PLXNA4: variants seen among roughly 807,000 people sequenced by gnomAD.
The protein encoded by PLXNA4 is plexin A4, also known as plexin-A4.
Under a neutral mutation model 191.8 loss-of-function variants are expected in PLXNA4, and 44 were observed. The ratio of observed to expected loss-of-function variants is 0.23; its 90% CI spans 0.18 to 0.29. The LOEUF (loss-of-function observed/expected upper bound fraction) is 0.29, where lower values mean the gene tolerates loss of function less well. Among genes scored for constraint, PLXNA4 ranks in the 10% least tolerant of loss-of-function variants. The pLI is 1.00. For synonymous variants in PLXNA4, 1,082 were observed against 1,009.5 expected (o/e 1.07, Z -1.36); for missense variants, 1,800 against 2,488.8 (o/e 0.72, Z 5.89).
chr7:132,174,318 T>C (rs10277421), intron 21 of PLXNA4, among the ~76,000 whole-genome samples: 107,091 of 152,056 alleles, frequency 0.7, 39,498 homozygotes, highest in African/African-American at 0.92. Flanking sequence ...CTCATTCACA[T>C]TTCCACCCCA....
In PLXNA4 at chr7:132,279,871, G is replaced by A. The variant is rs186434809; in HGVS notation, c.1503+18220C>T. ...GCATGACTTGAGATGGGAGCCGGAC[G>A]CCCAAAGCTGAAGTCAACATATTGC... is the stretch of plus-strand genomic sequence containing the variant. On this transcript the variant is annotated intron_variant, in intron 4 of 31. Transcript: ENST00000321063. Among the ~76,000 whole-genome samples the A allele has an allele frequency of 5.9e-5, 9 of 152,254 alleles. No homozygotes were observed. In the East Asian group the frequency reaches 1.5e-3, roughly 26 times the overall value.
chr7:132,393,448 A>G (rs1475433493), intron 3 of PLXNA4, among the ~76,000 whole-genome samples: 2 of 152,106 alleles, frequency 1.3e-5, no homozygotes, highest in Non-Finnish European at 2.9e-5. Flanking sequence ...AAACAGCCCC[A>G]CATATGAACC....
chr7:132,238,122 A>G (rs1000451889), intron 5 of PLXNA4, among the ~76,000 whole-genome samples: 5 of 152,180 alleles, frequency 3.3e-5, no homozygotes, highest in African/African-American at 1.2e-4. Context: ...CTTATGGAGA[A>G]AATAGCTGTG....
At chr7:132,197,590 T>C (rs1797292591) in intron 13 of PLXNA4, among the ~76,000 whole-genome samples, 1 of 152,172 alleles carries the variant, frequency 6.6e-6, no homozygotes, top group Non-Finnish European at 1.5e-5. Flanking sequence ...GGTAACTAAG[T>C]GGTGATGGAC....
At chr7:132,135,398 G>GTAAT (rs1795082508) in intron 30 of PLXNA4, among the ~76,000 whole-genome samples, 1 of 152,216 alleles carries the variant, frequency 6.6e-6, no homozygotes, top group East Asian at 1.9e-4. Flanking sequence ...AAAGACTCCT[G>GTAAT]TAATTTCTCT....
chr7:132,562,953 CTCT>C (rs150150181), intron 1 of PLXNA4, among the ~76,000 whole-genome samples: 12 of 48,910 alleles, frequency 2.5e-4, no homozygotes, highest in Non-Finnish European at 4.9e-4. Context: ...CCTCCTCCTC[CTCT>C]CCCTCCTCCT....
Position 132,147,536 on chromosome 7 carries a change from A to T in PLXNA4, c.4864+364T>A, listed in dbSNP as rs184284725. Among the ~76,000 whole-genome samples, 372 of 152,240 alleles carry T rather than the reference A, an allele frequency of 2.4e-3. 2 individuals carry two copies. The highest frequency in any genetic ancestry group is 3.9e-3 in the Admixed American group (60 of 15,304). ...AAAATAACAGTGGCTCTTACAAATC[A>T]TTTAGCCTCTGTGCACCTGAGTTAT... is the stretch of plus-strand genomic sequence containing the variant. On this transcript the variant is annotated intron_variant, in intron 27 of 31. Coordinates refer to ENST00000321063, the MANE Select transcript of PLXNA4 (RefSeq NM_020911.2).
intron 2 of PLXNA4, among the ~76,000 whole-genome samples, chr7:132,642,243 C>T (rs903306766): frequency 6.6e-6 from 1 of 152,052 alleles, no homozygotes; most frequent in Non-Finnish European, 1.5e-5. Context: ...CTGGATATGT[C>T]GAAAGCCAAC....
At position 132,133,213 on chromosome 7, in the gene PLXNA4, G is replaced by GAAAT. The variant is rs1795019403; in HGVS notation, c.5439-18_5439-15dup. 6.2e-7 allele frequency: 1 copy of GAAAT among 1,613,248 alleles called. No individual in the cohort carries two copies. Among genetic ancestry groups the GAAAT allele is most frequent in the African/African-American group, 1.3e-5 (1 of 74,912 alleles). ...TCTGAGTAATACCTGTGGAGGGATG[G>GAAAT]AAATAGGGAGAAGCTGAAGTCGTGC... On this transcript the variant is annotated splice_polypyrimidine_tract_variant and intron_variant, in intron 30 of 31. Transcript: ENST00000321063.
chr7:132,124,552 TAAAG>T lies in PLXNA4; in HGVS notation c.*5923_*5926del, dbSNP rs1794718063. On this transcript the variant is annotated 3_prime_UTR_variant, in exon 32 of 32. Transcript: ENST00000321063. ...TAACAAAGGAAGTTCTAATTCCAAA[TAAAG>T]AAATTGCTGGAAGAAGAGCTGCATA... is the stretch of plus-strand genomic sequence containing the variant. 3 of 152,216 alleles carry T rather than the reference TAAAG, an allele frequency of 2.0e-5. No individual in the cohort carries two copies. Among genetic ancestry groups the T allele is most frequent in the African/African-American group, 7.2e-5 (3 of 41,464 alleles). The allele number at this position is 152,216 out of a possible 1,614,324, so 9.4% of individuals were successfully genotyped here. A position where few individuals can be genotyped will look rare whatever the true frequency, so the allele number is the denominator to read the frequency against.
intron 27 of PLXNA4, 28 bp downstream of exon 27, chr7:132,147,872 C>T: frequency 6.2e-7 from 1 of 1,613,586 alleles, no homozygotes; most frequent in Non-Finnish European, 8.5e-7. Flanking sequence ...ACACCCAGGC[C>T]TCCCTAGGAC....
intron 12 of PLXNA4, 60 bp from the exon 13 acceptor site, chr7:132,198,696 T>C (rs1797333283): frequency 6.3e-7 from 1 of 1,593,520 alleles, no homozygotes; most frequent in Non-Finnish European, 8.5e-7. Flanking sequence ...CACTTGCTGA[T>C]GAGGCAAGGA....
chr7:132,643,785 T>TA (rs1015943123), intron 2 of PLXNA4, among the ~76,000 whole-genome samples: 9 of 151,958 alleles, frequency 5.9e-5, no homozygotes, highest in South Asian at 2.1e-4. Flanking sequence ...CCCATCTCTA[T>TA]AAAAAAATTT....
At chr7:132,563,293 CT>C (rs1196125926) in intron 1 of PLXNA4, among the ~76,000 whole-genome samples, 2 of 118,138 alleles carry the variant, frequency 1.7e-5, no homozygotes, top group African/African-American at 6.5e-5. Flanking sequence ...TCTCCTCCTC[CT>C]TTCTCTTCCT....
chr7:132,300,102 CAA>C (rs1300140220), intron 3 of PLXNA4, among the ~76,000 whole-genome samples: 1 of 152,186 alleles, frequency 6.6e-6, no homozygotes, highest in Admixed American at 6.5e-5. Flanking sequence ...TAAAGTAATA[CAA>C]AGGTTTTTTG....
intron 3 of PLXNA4, among the ~76,000 whole-genome samples, chr7:132,365,290 T>C (rs1804107706): frequency 1.3e-5 from 2 of 151,474 alleles, no homozygotes; most frequent in African/African-American, 4.9e-5. Flanking sequence ...CCTTCAGGGG[T>C]TTCCATGCCC....
intron 1 of PLXNA4, among the ~76,000 whole-genome samples, chr7:132,510,502 A>C (rs914262526): frequency 2.0e-5 from 3 of 152,236 alleles, no homozygotes; most frequent in Non-Finnish European, 4.4e-5. Flanking sequence ...CAAAATGTGC[A>C]AGACACTGTG....
chr7:132,499,275 GC>G (rs1798152335), intron 2 of PLXNA4, among the ~76,000 whole-genome samples: 1 of 152,270 alleles, frequency 6.6e-6, no homozygotes, highest in Admixed American at 6.5e-5. Flanking sequence ...ACAGGGCCAT[GC>G]CCTGGGAATA....
At chr7:132,269,765 T>C (rs1799994808) in intron 4 of PLXNA4, among the ~76,000 whole-genome samples, 1 of 152,194 alleles carries the variant, frequency 6.6e-6, no homozygotes, top group African/African-American at 2.4e-5. Flanking sequence ...CATTTTGTTG[T>C]CCTTTTCCCT....
Sources: gnomAD v4.1 joint callset for allele counts (sites outside exome capture counted in the v4.1 genomes callset) on GRCh38, gnomAD v4.1.1 for gene constraint, MANE v1.5 for transcripts, NCBI Gene and HGNC (gene_info 2026-07-23, HGNC 2026-07-21) for gene names.